Variants in SORCS1 observed in about 807,000 individuals in gnomAD.
SORCS1 encodes the protein sortilin related VPS10 domain containing receptor 1, also known as VPS10 domain-containing receptor SorCS1.
A neutral mutation model predicts 146.1 loss-of-function variants in SORCS1; 60 were observed. That is an observed-to-expected ratio of 0.41 (90% CI 0.33 to 0.51). The LOEUF (loss-of-function observed/expected upper bound fraction) is 0.51. Among genes scored for constraint, SORCS1 ranks in the 20% least tolerant of loss-of-function variants. The probability of loss-of-function intolerance (pLI) is 0.21; values close to 1 mark genes in which losing one functional copy is unlikely to be tolerated. For missense variants in SORCS1, 1,352 were observed against 1,487.6 expected, an observed-to-expected ratio of 0.91 and a Z score of 1.50; for synonymous variants, 637 against 584.0, an observed-to-expected ratio of 1.09 and a Z score of -1.31.
intron 2 of SORCS1, among the ~76,000 whole-genome samples, chr10:106,904,509 G>A (rs952481758): frequency 2.0e-5 from 3 of 152,212 alleles, no homozygotes; most frequent in African/African-American, 7.2e-5. Flanking sequence ...GAGGATTGTA[G>A]AGGATTGTTG....
chr10:106,823,385 G>A (rs1424614397), intron 3 of SORCS1, among the ~76,000 whole-genome samples: 1 of 152,128 alleles, frequency 6.6e-6, no homozygotes, highest in Non-Finnish European at 1.5e-5. Context: ...AACCTACAGA[G>A]ATTCTTTACT....
At chr10:107,057,186 A>G (rs1960725240) in intron 1 of SORCS1, among the ~76,000 whole-genome samples, 2 of 152,252 alleles carry the variant, frequency 1.3e-5, no homozygotes, top group African/African-American at 4.8e-5. Flanking sequence ...TTAAATCATC[A>G]GTGGATAACC....
At chr10:106,598,235 TATA>T (rs1439844280) in intron 23 of SORCS1, among the ~76,000 whole-genome samples, 12 of 122,582 alleles carry the variant, frequency 9.8e-5, no homozygotes, top group East Asian at 5.1e-4. Flanking sequence ...ACACTCCTAT[TATA>T]TTATTATTAT....
At chr10:106,639,823 T>C (rs1275534736) in intron 18 of SORCS1, among the ~76,000 whole-genome samples, 2 of 151,962 alleles carry the variant, frequency 1.3e-5, no homozygotes, top group Admixed American at 6.6e-5. Context: ...ATCGAGACCA[T>C]CCTGGCCAAC....
intron 2 of SORCS1, among the ~76,000 whole-genome samples, chr10:106,928,403 A>C (rs547123110): frequency 6.6e-6 from 1 of 152,340 alleles, no homozygotes; most frequent in African/African-American, 2.4e-5. Context: ...GGGGCCGCCA[A>C]GCCCGCGCCC....
chr10:107,090,099 C>A (rs532610172), intron 1 of SORCS1, among the ~76,000 whole-genome samples: 2 of 152,128 alleles, frequency 1.3e-5, no homozygotes, highest in Non-Finnish European at 2.9e-5. Context: ...GGCTTCCACG[C>A]AGAGGGGTTC....
At chr10:107,007,457 T>G (rs1224711920) in intron 1 of SORCS1, among the ~76,000 whole-genome samples, 1 of 152,114 alleles carries the variant, frequency 6.6e-6, no homozygotes, top group African/African-American at 2.4e-5. Context: ...CCTGGCTGAG[T>G]TTCCAGGCAA....
chr10:106,667,835 TA>T, intron 16 of SORCS1, 33 bp from the exon 17 acceptor site: 1 of 1,552,124 alleles, frequency 6.4e-7, no homozygotes, highest in Non-Finnish European at 8.9e-7. Flanking sequence ...AACCTTTCAC[TA>T]GGTGGCAAAA....
chr10:107,051,539 T>G lies in SORCS1; in HGVS notation c.559-94959A>C, dbSNP rs560245202. The stretch of plus-strand genomic sequence containing the variant: ...TCTCCAGAAAAACACCCATCCATGC[T>G]TCTAGGCACACACTAAGTATTTACT... On this transcript the variant is annotated intron_variant, in intron 1 of 25. Coordinates refer to ENST00000263054, the MANE Select transcript of SORCS1 (RefSeq NM_052918.5). 2.0e-5 allele frequency among the ~76,000 whole-genome samples: 3 copies of G among 152,286 alleles called. No individual in the cohort carries two copies. The South Asian group carries it at 6.2e-4, about 32-fold the overall frequency.
At chr10:107,146,080 T>C (rs1968297972) in intron 1 of SORCS1, among the ~76,000 whole-genome samples, 1 of 152,198 alleles carries the variant, frequency 6.6e-6, no homozygotes, top group Admixed American at 6.5e-5. Flanking sequence ...TGCCTCAAAA[T>C]TTGAAGACAA....
chr10:106,805,295 AT>A (rs1371231828), intron 3 of SORCS1, among the ~76,000 whole-genome samples: 2 of 151,972 alleles, frequency 1.3e-5, no homozygotes, highest in Non-Finnish European at 2.9e-5. Context: ...AACCAGGGAG[AT>A]TTGAAAGGAT....
At chr10:107,143,050 C>T (rs550639343) in intron 1 of SORCS1, among the ~76,000 whole-genome samples, 1 of 152,288 alleles carries the variant, frequency 6.6e-6, no homozygotes. Flanking sequence ...TTGTGACAGA[C>T]TGTGTGCACT....
At chr10:106,915,630 G>A (rs548450027) in intron 2 of SORCS1, among the ~76,000 whole-genome samples, 4 of 152,100 alleles carry the variant, frequency 2.6e-5, no homozygotes, top group African/African-American at 4.8e-5. Context: ...TCCACATGGC[G>A]ATTTCCCAGA....
At chr10:107,146,007 A>G (rs1474168213) in intron 1 of SORCS1, among the ~76,000 whole-genome samples, 1 of 152,202 alleles carries the variant, frequency 6.6e-6, no homozygotes, top group African/African-American at 2.4e-5. Flanking sequence ...CACTGGGGCA[A>G]GCATCCTGGT....
intron 21 of SORCS1, among the ~76,000 whole-genome samples, chr10:106,612,323 C>G (rs1357587739): frequency 1.4e-5 from 2 of 147,078 alleles, no homozygotes; most frequent in Non-Finnish European, 3.0e-5. Context: ...ACCACCCCCC[C>G]AGACTACCCC....
At chr10:107,082,510 C>T (rs1046851606) in intron 1 of SORCS1, among the ~76,000 whole-genome samples, 1 of 151,894 alleles carries the variant, frequency 6.6e-6, no homozygotes, top group Non-Finnish European at 1.5e-5. Flanking sequence ...CAGAGTCACG[C>T]TCTGTCGCAC....
At chr10:107,098,320 CTT>C (rs1964674439) in intron 1 of SORCS1, among the ~76,000 whole-genome samples, 1 of 152,188 alleles carries the variant, frequency 6.6e-6, no homozygotes, top group East Asian at 1.9e-4. Context: ...TAGCACATCA[CTT>C]AGTAGACAAT....
chr10:107,125,249 C>A (rs1385683936), intron 1 of SORCS1, among the ~76,000 whole-genome samples: 2 of 152,140 alleles, frequency 1.3e-5, no homozygotes, highest in Non-Finnish European at 2.9e-5. Context: ...CCATGCCTGG[C>A]CCCGCTCAGC....
At chr10:106,933,527 A>G (rs1237900028) in intron 2 of SORCS1, among the ~76,000 whole-genome samples, 3 of 152,220 alleles carry the variant, frequency 2.0e-5, no homozygotes, top group Non-Finnish European at 2.9e-5. Flanking sequence ...GAGTACCACT[A>G]TGTGGTAACT....
Sources: allele counts gnomAD v4.1 joint callset (sites outside exome capture counted in the v4.1 genomes callset), GRCh38; gene constraint gnomAD v4.1.1; transcripts MANE v1.5; gene names NCBI Gene and HGNC (gene_info 2026-07-23, HGNC 2026-07-21).